LRRC43: variants seen among roughly 807,000 people sequenced by gnomAD.
LRRC43 encodes leucine rich repeat containing 43.
Under a neutral mutation model 64.3 loss-of-function variants are expected in LRRC43, and 62 were observed. That is an observed-to-expected ratio of 0.96 (90% CI 0.79 to 1.19). LRRC43 has a LOEUF of 1.19. Among genes scored for constraint, LRRC43 ranks in the 50% most tolerant of loss-of-function variants. The pLI is 0.00. For missense variants in LRRC43, 868 were observed against 845.0 expected (o/e 1.03, Z -0.34); for synonymous variants, 422 against 382.3 (o/e 1.10, Z -1.21).
upstream of LRRC43, among the ~76,000 whole-genome samples, chr12:122,179,969 C>CA (rs59930172): frequency 0.023 from 1,054 of 45,926 alleles, 50 homozygotes; most frequent in African/African-American, 0.044. Flanking sequence ...GACTCCGTCT[C>CA]AAAAAAAAAA....
chr12:122,190,516 G>C (rs930874070), intron 5 of LRRC43, 148 bp downstream of exon 5: 1 of 643,344 alleles, frequency 1.6e-6, no homozygotes, highest in Admixed American at 2.9e-5. Flanking sequence ...TCTCTTCTGG[G>C]TCAGAGCTTT....
At chr12:122,189,596 G>A (rs11060051) in intron 4 of LRRC43, 1 of 413,598 alleles carries the variant, frequency 2.4e-6, no homozygotes, top group Non-Finnish European at 4.9e-6. Context: ...CCCCTCCCAG[G>A]CCCCTTTCCT....
chr12:122,187,823 C>A lies in LRRC43; in HGVS notation c.645C>A (p.Tyr215Ter), dbSNP rs758326623. 1.7e-5 allele frequency: 27 copies of A among 1,614,010 alleles called. No individual in the cohort carries two copies. Among genetic ancestry groups the A allele is most frequent in the East Asian group, 2.2e-5 (1 of 44,884 alleles). The change falls in exon 4 of 12, where the codon TAC (tyrosine) becomes TAA (stop). Residue 215 changes from tyrosine to a stop codon, truncating the protein, a stop_gained. Coordinates refer to ENST00000339777, the MANE Select transcript of LRRC43 (RefSeq NM_001098519.2). LOFTEE classifies it high-confidence loss of function. ...NKLLGPLESL[Y>*]VTANHWPNLV... is the part of the protein sequence containing the mutation. ...TTCTAGGCCCCTTGGAAAGTCTCTACGTCACCGCTAATCACTGGTAACTCG... is the reference window on the plus strand; with the variant it reads ...TTCTAGGCCCCTTGGAAAGTCTCTAAGTCACCGCTAATCACTGGTAACTCG...
chr12:122,184,744 TC>T lies in LRRC43; in HGVS notation c.378del (p.Tyr127ThrfsTer7). 1 of 1,611,456 alleles carries T rather than the reference TC, an allele frequency of 6.2e-7. No individual in the cohort carries two copies. The highest frequency in any genetic ancestry group is 8.5e-7 in the Non-Finnish European group (1 of 1,178,796). ...GACGATCACAGACACCTTCTTCTAC[TC>T]CTACTTCCGGTCCCTGCGGGTAATA... ...PLTITDTFFY[S>X]YFRSLRVIDK... On this transcript the variant is annotated frameshift_variant, in exon 2 of 12. Coordinates refer to ENST00000339777, the MANE Select transcript of LRRC43 (RefSeq NM_001098519.2). LOFTEE classifies it high-confidence loss of function. This position sits in a 1 kb window ranked among gnomAD's most constrained non-coding sequence, Gnocchi z 4.0.
At chr12:122,196,807 G>C (rs914483574) in intron 7 of LRRC43, among the ~76,000 whole-genome samples, 1 of 151,992 alleles carries the variant, frequency 6.6e-6, no homozygotes, top group Non-Finnish European at 1.5e-5. Flanking sequence ...CTTTTCATGA[G>C]GGAAATGAAC....
intron 1 of LRRC43, chr12:122,174,077 C>T: frequency 6.2e-7 from 1 of 1,613,806 alleles, no homozygotes; most frequent in Non-Finnish European, 8.5e-7. Context: ...CTGAGCCAAC[C>T]CTGGGGGTAG....
Position 122,190,143 on chromosome 12 carries a change from T to G in LRRC43, c.676T>G (p.Ser226Ala), listed in dbSNP as rs1953698480. ...VTANHWPNLV[S>A]LDLGFNDLTD... ...CTCACCTTCCAGGCCCAACCTCGTC[T>G]CCCTGGACCTGGGCTTCAACGACCT... The change falls in exon 5 of 12, where the codon TCC becomes GCC. Residue 226 changes from serine (S) to alanine (A), a missense_variant. Ser to Ala is a moderately conservative substitution (Grantham distance 99). Coordinates refer to ENST00000339777, the MANE Select transcript of LRRC43 (RefSeq NM_001098519.2). 5.6e-6 allele frequency: 9 copies of G among 1,614,012 alleles called. No homozygotes were observed. The highest frequency in any genetic ancestry group is 7.6e-6 in the Non-Finnish European group (9 of 1,179,970).
chr12:122,186,070 G>A lies in LRRC43; in HGVS notation c.412-120G>A, dbSNP rs1015431714. 1.2e-5 allele frequency: 8 copies of A among 653,748 alleles called. No homozygotes were observed. In the Admixed American group the frequency reaches 1.4e-4, roughly 11 times the overall value. 40.5% of individuals were successfully genotyped at this position (653,748 alleles called of 1,614,324 possible). On this transcript the variant is annotated intron_variant, in intron 2 of 11. Transcript: ENST00000339777. ...AGGAACGGCTTCCGGGGAGCAGGGG[G>A]TGGGAAGGGAGGGGAAGTAACTCTG...
At chr12:122,199,781 G>A (rs1037719214) in intron 7 of LRRC43, among the ~76,000 whole-genome samples, 3 of 151,946 alleles carry the variant, frequency 2.0e-5, no homozygotes, top group Admixed American at 2.0e-4. Flanking sequence ...ACGGGGTCTC[G>A]ATATGTTGCC....
chr12:122,182,592 C>G (rs12578794), upstream of LRRC43, among the ~76,000 whole-genome samples: 1,283 of 147,302 alleles, frequency 8.7e-3, 18 homozygotes, highest in African/African-American at 0.026. Flanking sequence ...ACTCGGGAGG[C>G]TGAGGCAGGA....
chr12:122,183,181 TC>T lies in LRRC43; in HGVS notation c.38del (p.Ser13LeufsTer15), dbSNP rs1953599806. On this transcript the variant is annotated frameshift_variant, in exon 1 of 12. Coordinates refer to ENST00000339777, the MANE Select transcript of LRRC43 (RefSeq NM_001098519.2). LOFTEE classifies it high-confidence loss of function. ...GTACGAGTCCGAGTCCGAGTCCGAG[TC>T]TGAGGCCGGGCCTGGGACTCAGCGG... ...ASYESESESE[S>X]EAGPGTQRPG... is the part of the protein sequence containing the mutation. The T allele has an allele frequency of 6.4e-7, 1 of 1,558,138 alleles. No homozygotes were observed. The highest frequency in any genetic ancestry group is 1.4e-5 in the African/African-American group (1 of 72,436).
At chr12:122,192,605 T>C (rs1953730703) in intron 6 of LRRC43, 140 bp from the exon 7 acceptor site, 4 of 938,764 alleles carry the variant, frequency 4.3e-6, no homozygotes, top group Non-Finnish European at 3.2e-6. Context: ...TCTAAGCGCC[T>C]TCCTGCCTCC....
chr12:122,195,488 G>T (rs147308721), intron 7 of LRRC43, among the ~76,000 whole-genome samples: 78 of 152,166 alleles, frequency 5.1e-4, no homozygotes, highest in African/African-American at 1.8e-3. Context: ...TGGTCCATCC[G>T]CCTCAGCCTC....
chr12:122,179,021 C>T (rs1953560482), upstream of LRRC43, among the ~76,000 whole-genome samples: 1 of 152,214 alleles, frequency 6.6e-6, no homozygotes, highest in Non-Finnish European at 1.5e-5. Flanking sequence ...AAGAGGATCA[C>T]AGGCCTCAGG....
chr12:122,178,616 T>C (rs1953557338), upstream of LRRC43, among the ~76,000 whole-genome samples: 1 of 130,782 alleles, frequency 7.6e-6, no homozygotes, highest in Non-Finnish European at 1.6e-5. Context: ...TTTTGAGACA[T>C]TGTCTTGCTC....
rs561619522 is a variant in LRRC43 at position 122,190,787 on chromosome 12, C to T, written c.901+419C>T. Among the ~76,000 whole-genome samples the T allele has an allele frequency of 2.4e-4, 36 of 151,558 alleles. 2 individuals carry two copies. In the South Asian group the frequency reaches 6.7e-3, roughly 28 times the overall value. ...CTGAGGCACGAGAATCTTTTGAACC[C>T]GGGAGGTGGAGGCTGCAGTGAGCCG... On this transcript the variant is annotated intron_variant, in intron 5 of 11. Transcript: ENST00000339777.
intron 11 of LRRC43, among the ~76,000 whole-genome samples, 193 bp downstream of exon 11, chr12:122,201,522 G>A (rs1308311591): frequency 1.3e-5 from 2 of 152,210 alleles, no homozygotes; most frequent in Non-Finnish European, 2.9e-5. Flanking sequence ...CTGTGTGGGT[G>A]GTGACCAGGG....
upstream of LRRC43, among the ~76,000 whole-genome samples, chr12:122,179,760 C>T (rs1003877742): frequency 6.6e-6 from 1 of 151,782 alleles, no homozygotes; most frequent in Non-Finnish European, 1.5e-5. Context: ...ATCACGAGGT[C>T]AAAAGGTCGA....
intron 7 of LRRC43, among the ~76,000 whole-genome samples, 164 bp downstream of exon 7, chr12:122,193,168 C>T (rs1311984198): frequency 6.6e-6 from 1 of 151,676 alleles, no homozygotes; most frequent in African/African-American, 2.4e-5. Flanking sequence ...ATCACGAGGT[C>T]AGGAGATCGA....
Sources: allele counts gnomAD v4.1 joint callset (sites outside exome capture counted in the v4.1 genomes callset), GRCh38; gene constraint gnomAD v4.1.1; non-coding constraint Gnocchi (gnomAD v3.1); transcripts MANE v1.5; gene names NCBI Gene and HGNC (gene_info 2026-07-23, HGNC 2026-07-21).